The following SLC12A6 variants were observed in gnomAD, a reference collection of about 807,000 sequenced individuals.
SLC12A6 encodes K-Cl cotransporter 3.
SLC12A6 carries 66 observed loss-of-function variants against 135.3 expected under a neutral mutation model. The observed-to-expected ratio is 0.49, with a 90% CI of 0.40 to 0.60. SLC12A6 has a LOEUF of 0.60. Ranked by LOEUF, SLC12A6 falls within the 20% of genes least tolerant of loss-of-function variation. The pLI, the probability that SLC12A6 is intolerant of heterozygous loss-of-function variation, is 0.00. For missense variants in SLC12A6, 1,058 were observed against 1,452.3 expected, an observed-to-expected ratio of 0.73 and a Z score of 4.41; for synonymous variants, 513 against 508.8, an observed-to-expected ratio of 1.01 and a Z score of -0.11.
In SLC12A6 at chr15:34,230,330, G is replaced by A. The variant is rs2140607862; in HGVS notation, c.*3551C>T. 1 of 153,862 alleles carries A rather than the reference G, an allele frequency of 6.5e-6. No homozygotes were observed. The highest frequency in any genetic ancestry group is 6.5e-5 in the Admixed American group (1 of 15,386). 9.5% of individuals were successfully genotyped at this position (153,862 alleles called of 1,614,324 possible). On this transcript the variant is annotated 3_prime_UTR_variant, in exon 26 of 26. Transcript: ENST00000354181. ...AGGAGCACATAAATATGCATACAGT[G>A]TAACTGTTATTATTTTAATACCCAC...
chr15:34,237,940 CTTAAG>C (rs1332537318), intron 21 of SLC12A6, among the ~76,000 whole-genome samples: 1 of 152,146 alleles, frequency 6.6e-6, no homozygotes, highest in African/African-American at 2.4e-5. Flanking sequence ...ATACATATAC[CTTAAG>C]TTTTCAGTAT....
chr15:34,315,934 T>C (rs956622928), intron 2 of SLC12A6, among the ~76,000 whole-genome samples: 1 of 150,472 alleles, frequency 6.6e-6, no homozygotes, highest in East Asian at 1.9e-4. Context: ...CGAGACACCA[T>C]CTCAAAAAAA....
At chr15:34,245,098 G>A (rs1244375684) in intron 15 of SLC12A6, among the ~76,000 whole-genome samples, 187 bp downstream of exon 15, 2 of 152,124 alleles carry the variant, frequency 1.3e-5, no homozygotes, top group African/African-American at 4.8e-5. Context: ...TAAATAGGTA[G>A]GAAAAAACCT....
intron 3 of SLC12A6, among the ~76,000 whole-genome samples, chr15:34,262,789 G>C (rs898297929): frequency 6.6e-6 from 1 of 152,124 alleles, no homozygotes; most frequent in Non-Finnish European, 1.5e-5. Context: ...TCACTGCTTG[G>C]AGCAGCCAGC....
Position 34,249,866 on chromosome 15 carries a change from T to C in SLC12A6, c.1649+432A>G, listed in dbSNP as rs541928786. ...AATACTGGCCCCTTTGGGAACTACA[T>C]TCATATATTTTCTTATTGTTAGTCA... On this transcript the variant is annotated intron_variant, in intron 13 of 25. Transcript: ENST00000354181. 2.0e-5 allele frequency among the ~76,000 whole-genome samples: 3 copies of C among 152,284 alleles called. No homozygotes were observed. In the East Asian group the frequency reaches 5.8e-4, roughly 29 times the overall value.
Position 34,254,428 on chromosome 15 carries a change from A to C in SLC12A6, c.1038T>G (p.Leu346=). Residue 346 remains leucine, a synonymous_variant, in exon 9 of 26, where the codon CTT becomes CTG. Coordinates refer to ENST00000354181, the MANE Select transcript of SLC12A6 (RefSeq NM_001365088.1). ...TGGACACAATGACACAGGCCAGGAA[A>C]AGTGAGGCAAACTTGTTCACATAGC... is the stretch of plus-strand genomic sequence containing the variant. ...GVRYVNKFAS[L]FLACVIVSIL... is the part of the protein sequence containing the mutation. 6.2e-7 allele frequency: 1 copy of C among 1,613,828 alleles called. No individual in the cohort carries two copies.
At position 34,233,354 on chromosome 15, in the gene SLC12A6, C is replaced by A; in HGVS notation, c.*527G>T. 1.3e-5 allele frequency: 2 copies of A among 159,300 alleles called. No homozygotes were observed. The highest frequency in any genetic ancestry group is 1.2e-4 in the Admixed American group (2 of 16,962). The allele number at this position is 159,300 out of a possible 1,614,324, so 9.9% of individuals were successfully genotyped here. On this transcript the variant is annotated 3_prime_UTR_variant, in exon 26 of 26. Transcript: ENST00000354181. Reference sequence around the variant, plus strand: ...TTAGTATCCTAATATAAAATTACAGCAGTGGGTATACTAAAGAAATATAGC... The same window carrying A: ...TTAGTATCCTAATATAAAATTACAGAAGTGGGTATACTAAAGAAATATAGC...
chr15:34,285,822 T>C (rs60539207), intron 2 of SLC12A6, among the ~76,000 whole-genome samples: 52,498 of 151,536 alleles, frequency 0.35, 11,183 homozygotes, highest in African/African-American at 0.61. Context: ...TCAAATAAGC[T>C]AGTCATACAA....
rs1051959016 is a variant in SLC12A6, at chr15:34,275,993, G to A, written c.272-604C>T. 3.9e-5 allele frequency among the ~76,000 whole-genome samples: 6 copies of A among 152,102 alleles called. No individual in the cohort carries two copies. The East Asian group carries it at 5.8e-4, about 15-fold the overall frequency. On this transcript the variant is annotated intron_variant, in intron 2 of 25. Transcript: ENST00000354181. ...AATGTTATTGCTTAAAGAGTACAGC[G>A]TTTCTGTTTGGGGTGATGAGAAATT...
chr15:34,237,984 G>C (rs1891388454), intron 21 of SLC12A6, among the ~76,000 whole-genome samples: 2 of 152,226 alleles, frequency 1.3e-5, no homozygotes, highest in Admixed American at 1.3e-4. Context: ...TTCACTTGTT[G>C]TTTTCCCCTA....
At chr15:34,330,299 A>T (rs872670) in intron 2 of SLC12A6, among the ~76,000 whole-genome samples, 6,327 of 152,242 alleles carry the variant, frequency 0.042, 183 homozygotes, top group Non-Finnish European at 0.063. Flanking sequence ...GATTTGGCTG[A>T]TTGCTTCTTG....
chr15:34,285,717 T>TATACACACACACA (rs144158165), intron 2 of SLC12A6, among the ~76,000 whole-genome samples: 2 of 131,112 alleles, frequency 1.5e-5, no homozygotes, highest in East Asian at 5.0e-4. Context: ...TGTGTGTTTG[T>TATACACACACACA]CATACATAAA....
At chr15:34,308,658 C>CAAAAAAAA (rs1887929875) in intron 2 of SLC12A6, among the ~76,000 whole-genome samples, 2 of 139,780 alleles carry the variant, frequency 1.4e-5, no homozygotes, top group Admixed American at 7.0e-5. Flanking sequence ...AAAAACAAAC[C>CAAAAAAAA]AGATTGTTGG....
intron 22 of SLC12A6, chr15:34,237,203 A>C: frequency 2.0e-6 from 1 of 505,576 alleles, no homozygotes; most frequent in East Asian, 3.7e-5. Context: ...CTGTGTAATA[A>C]ACAAGAAAGC....
intron 20 of SLC12A6, 132 bp from the exon 21 acceptor site, chr15:34,238,533 C>T: frequency 1.4e-6 from 1 of 728,594 alleles, no homozygotes; most frequent in Non-Finnish European, 2.4e-6. Flanking sequence ...TAGGTTATTT[C>T]TCATTACGTA....
chr15:34,313,997 C>T (rs6495654), intron 2 of SLC12A6, among the ~76,000 whole-genome samples: 5,515 of 148,900 alleles, frequency 0.037, 207 homozygotes, highest in African/African-American at 0.092. Context: ...CTATGCTCAG[C>T]GGAACAACAA....
At chr15:34,275,211 AG>A in intron 3 of SLC12A6, 133 bp downstream of exon 3, 1 of 573,794 alleles carries the variant, frequency 1.7e-6, no homozygotes, top group Non-Finnish European at 3.2e-6. Context: ...TAGAAACAGC[AG>A]GAAAAAAGTT....
chr15:34,284,775 G>T (rs944673024), intron 2 of SLC12A6, among the ~76,000 whole-genome samples: 1 of 152,150 alleles, frequency 6.6e-6, no homozygotes, highest in African/African-American at 2.4e-5. Flanking sequence ...CAAAAAAGCT[G>T]AGTAAAAGAA....
intron 13 of SLC12A6, 54 bp from the exon 14 acceptor site, chr15:34,245,921 AGAC>A: frequency 7.0e-7 from 1 of 1,424,132 alleles, no homozygotes; most frequent in Non-Finnish European, 9.9e-7. Flanking sequence ...TTAGACTGAA[AGAC>A]TAGAGATATT....
Sources: allele counts gnomAD v4.1 joint callset (sites outside exome capture counted in the v4.1 genomes callset), GRCh38; gene constraint gnomAD v4.1.1; transcripts MANE v1.5; gene names NCBI Gene and HGNC (gene_info 2026-07-23, HGNC 2026-07-21).